Variants in HUS1 observed in about 807,000 individuals in gnomAD.
The protein encoded by HUS1 is checkpoint protein HUS1.
Under a neutral mutation model 32.6 loss-of-function variants are expected in HUS1, and 31 were observed. The ratio of observed to expected loss-of-function variants is 0.95; its 90% CI spans 0.72 to 1.28. The LOEUF (loss-of-function observed/expected upper bound fraction) is 1.28, where lower values mean the gene tolerates loss of function less well. Among genes scored for constraint, HUS1 ranks in the 50% most tolerant of loss-of-function variants. The probability of loss-of-function intolerance (pLI) is 0.00; values close to 1 mark genes in which losing one functional copy is unlikely to be tolerated. For missense variants in HUS1, 340 were observed against 337.7 expected, an observed-to-expected ratio of 1.01 and a Z score of -0.05; for synonymous variants, 123 against 116.6, an observed-to-expected ratio of 1.06 and a Z score of -0.36.
chr7:47,972,973 T>C (rs1463350255), intron 5 of HUS1, among the ~76,000 whole-genome samples: 1 of 152,174 alleles, frequency 6.6e-6, no homozygotes, highest in Non-Finnish European at 1.5e-5. Flanking sequence ...GGCCTGGTGG[T>C]AGGTGACTGG....
chr7:47,975,590 T>C lies in HUS1; in HGVS notation c.540+23A>G, dbSNP rs757684921. On this transcript the variant is annotated intron_variant, in intron 5 of 7. Coordinates refer to ENST00000258774, the MANE Select transcript of HUS1 (RefSeq NM_004507.4). ...GTCCCACCAAATACTTCAGAGTTCT[T>C]TTCTAAAGAAGTTGTGACTTACAAG... 6 of 1,523,648 alleles carry C rather than the reference T, an allele frequency of 3.9e-6. No homozygotes were observed. The African/African-American group carries it at 5.5e-5, about 14-fold the overall frequency. The allele number at this position is 1,523,648 out of a possible 1,614,324, so 94.4% of individuals were successfully genotyped here. A position where few individuals can be genotyped will look rare whatever the true frequency, so the allele number is the denominator to read the frequency against.
At chr7:47,966,180 G>C (rs1788474574) in intron 7 of HUS1, among the ~76,000 whole-genome samples, 1 of 152,238 alleles carries the variant, frequency 6.6e-6, no homozygotes, top group African/African-American at 2.4e-5. Context: ...CACAGGAGAG[G>C]CAGAGACTGA....
At chr7:47,966,881 G>C (rs1163989153) in intron 7 of HUS1, among the ~76,000 whole-genome samples, 1 of 152,184 alleles carries the variant, frequency 6.6e-6, no homozygotes, top group Non-Finnish European at 1.5e-5. Context: ...CCTCAGAGCT[G>C]CTTCTCTGGC....
intron 5 of HUS1, among the ~76,000 whole-genome samples, chr7:47,973,422 C>G (rs1788638188): frequency 6.6e-6 from 1 of 152,210 alleles, no homozygotes; most frequent in Non-Finnish European, 1.5e-5. Context: ...CATGGTAGAA[C>G]TTAGAAGCAA....
rs3176608 is a variant in HUS1 at position 47,965,304 on chromosome 7, G to A, written c.*52C>T. 3,914 of 1,186,546 alleles carry A rather than the reference G, an allele frequency of 3.3e-3. 82 individuals carry two copies. The African/African-American group carries it at 0.05, about 15-fold the overall frequency. 73.5% of individuals were successfully genotyped at this position (1,186,546 alleles called of 1,614,324 possible). A position where few individuals can be genotyped will look rare whatever the true frequency, so the allele number is the denominator to read the frequency against. On this transcript the variant is annotated 3_prime_UTR_variant, in exon 8 of 8. Coordinates refer to ENST00000258774, the MANE Select transcript of HUS1 (RefSeq NM_004507.4). Reference sequence around the variant, plus strand: ...CCAGTGATCAGAACACAACACCTGCGGCCTCTCCCATCCTGACAAAGTCTC... The same window carrying A: ...CCAGTGATCAGAACACAACACCTGCAGCCTCTCCCATCCTGACAAAGTCTC...
In HUS1 at chr7:47,979,581, G is replaced by T. The variant is rs1788785997; in HGVS notation, c.-62C>A. 3 of 1,326,030 alleles carry T rather than the reference G, an allele frequency of 2.3e-6. No homozygotes were observed. Among genetic ancestry groups the T allele is most frequent in the African/African-American group, 1.4e-5 (1 of 69,760 alleles). 82.1% of individuals were successfully genotyped at this position (1,326,030 alleles called of 1,614,324 possible). On this transcript the variant is annotated 5_prime_UTR_variant, in exon 1 of 8. Coordinates refer to ENST00000258774, the MANE Select transcript of HUS1 (RefSeq NM_004507.4). ...GTAACAGAAAAGCGTCGCGCCCTGA[G>T]TGTCCCCGCCCGGAAACACGGCAGC...
At position 47,971,817 on chromosome 7, in the gene HUS1, G is replaced by A. The variant is rs1015551411; in HGVS notation, c.541-2499C>T. On this transcript the variant is annotated intron_variant, in intron 5 of 7. Transcript: ENST00000258774. ...AACAGAGAAGGCACTCTGTCTGCAC[G>A]GCTCTGTATCAGTGTTCATGTTTAC... Among the ~76,000 whole-genome samples the A allele has an allele frequency of 3.1e-4, 47 of 152,064 alleles. 1 individual carries two copies. Among genetic ancestry groups the A allele is most frequent in the Admixed American group, 2.5e-3 (38 of 15,278 alleles).
At chr7:47,977,760 G>A (rs1788735938) in intron 3 of HUS1, among the ~76,000 whole-genome samples, 1 of 152,146 alleles carries the variant, frequency 6.6e-6, no homozygotes, top group African/African-American at 2.4e-5. Flanking sequence ...TGGGTGTGGT[G>A]GTGGGTGCCT....
chr7:47,967,348 A>AT (rs1788499165), intron 7 of HUS1, among the ~76,000 whole-genome samples: 2 of 152,350 alleles, frequency 1.3e-5, no homozygotes, highest in South Asian at 4.1e-4. Flanking sequence ...CAAGGGACAG[A>AT]TATGGGGCAG....
chr7:47,978,389 T>C, intron 3 of HUS1, 28 bp downstream of exon 3: 2 of 1,593,016 alleles, frequency 1.3e-6, no homozygotes, highest in Non-Finnish European at 1.7e-6. Context: ...AAGACTTCTG[T>C]GTTAGAAACC....
At chr7:47,974,583 T>C (rs912890845) in intron 5 of HUS1, among the ~76,000 whole-genome samples, 10 of 117,854 alleles carry the variant, frequency 8.5e-5, no homozygotes, top group Middle Eastern at 8.3e-3. Context: ...TGGTACACTG[T>C]CAAGATCAAA....
chr7:47,973,359 A>G lies in HUS1; in HGVS notation c.540+2254T>C, dbSNP rs3176548. Among the ~76,000 whole-genome samples the G allele has an allele frequency of 3.0e-3, 451 of 152,348 alleles. 5 individuals carry two copies. Among genetic ancestry groups the G allele is most frequent in the African/African-American group, 1.0e-2 (415 of 41,580 alleles). ...GAAACAGAGCCTCAGGCTCCAGCTC[A>G]GACCTCCCAAATCAGAACCTGCACT... On this transcript the variant is annotated intron_variant, in intron 5 of 7. Coordinates refer to ENST00000258774, the MANE Select transcript of HUS1 (RefSeq NM_004507.4).
intron 7 of HUS1, among the ~76,000 whole-genome samples, chr7:47,965,996 C>T (rs1288409440): frequency 1.3e-5 from 2 of 151,854 alleles, no homozygotes; most frequent in African/African-American, 2.4e-5. Flanking sequence ...ACCGAGAGCT[C>T]GGGGAGCTGC....
intron 5 of HUS1, among the ~76,000 whole-genome samples, chr7:47,974,218 C>A (rs1173302908): frequency 6.6e-6 from 1 of 152,208 alleles, no homozygotes; most frequent in African/African-American, 2.4e-5. Context: ...TTGCTGCCTA[C>A]TGAGTGGCAA....
At chr7:47,970,366 GAAGT>G (rs1238482909) in intron 5 of HUS1, among the ~76,000 whole-genome samples, 2 of 151,792 alleles carry the variant, frequency 1.3e-5, no homozygotes, top group Non-Finnish European at 2.9e-5. Context: ...GACAGCACAG[GAAGT>G]AATTAGAAAC....
chr7:47,977,610 G>A (rs1298901383), intron 3 of HUS1, among the ~76,000 whole-genome samples: 1 of 152,188 alleles, frequency 6.6e-6, no homozygotes, highest in Non-Finnish European at 1.5e-5. Flanking sequence ...AGAAAAGCTG[G>A]GCTGGGCGCC....
In HUS1 at chr7:47,979,605, G is replaced by A. The variant is rs938961581; in HGVS notation, c.-86C>T. On this transcript the variant is annotated 5_prime_UTR_variant, in exon 1 of 8. Coordinates refer to ENST00000258774, the MANE Select transcript of HUS1 (RefSeq NM_004507.4). ...AGTGTCCCCGCCCGGAAACACGGCA[G>A]CGCGAACAGTGGTTCCGCCCGGCTC... is the stretch of plus-strand genomic sequence containing the variant. 7 of 1,086,140 alleles carry A rather than the reference G, an allele frequency of 6.4e-6. No homozygotes were observed. The highest frequency in any genetic ancestry group is 4.6e-5 in the African/African-American group (3 of 65,144). The allele number at this position is 1,086,140 out of a possible 1,614,324, so 67.3% of individuals were successfully genotyped here.
intron 7 of HUS1, 115 bp from the exon 8 acceptor site, chr7:47,965,553 C>T: frequency 1.5e-6 from 1 of 678,958 alleles, no homozygotes; most frequent in Non-Finnish European, 2.6e-6. Flanking sequence ...ATCTGTCTTC[C>T]CTGAGGCAGC....
chr7:47,966,626 A>C (rs1302346277), intron 7 of HUS1, among the ~76,000 whole-genome samples: 1 of 152,176 alleles, frequency 6.6e-6, no homozygotes, highest in Non-Finnish European at 1.5e-5. Context: ...GCTTGGGAGA[A>C]GTGCAGCCAT....
Sources: gnomAD v4.1 joint callset for allele counts (sites outside exome capture counted in the v4.1 genomes callset) on GRCh38, gnomAD v4.1.1 for gene constraint, MANE v1.5 for transcripts, NCBI Gene and HGNC (gene_info 2026-07-23, HGNC 2026-07-21) for gene names.